Variants in TCEA2 observed in about 807,000 individuals in gnomAD.
The protein encoded by TCEA2 is transcription elongation factor A2.
In TCEA2, 21 loss-of-function variants were observed where a neutral mutation model predicts 40.8. That is an observed-to-expected ratio of 0.51 (90% CI 0.36 to 0.74). The LOEUF (loss-of-function observed/expected upper bound fraction) is 0.74, where lower values mean the gene tolerates loss of function less well. TCEA2 is among the 30% of genes least tolerant of loss of function. TCEA2 has a pLI of 0.00. For synonymous variants in TCEA2, 165 were observed against 162.7 expected, an observed-to-expected ratio of 1.01 and a Z score of -0.11; for missense variants, 326 against 426.5, an observed-to-expected ratio of 0.76 and a Z score of 2.08.
upstream of TCEA2, chr20:64,056,845 T>C (rs2059478666): frequency 6.6e-6 from 1 of 152,198 alleles, no homozygotes; most frequent in Non-Finnish European, 1.5e-5. Flanking sequence ...CAGACGCCTG[T>C]TGGGGCCAGG....
At chr20:64,056,420 G>A (rs1184501922), upstream of TCEA2, among the ~76,000 whole-genome samples, 1 of 152,186 alleles carries the variant, frequency 6.6e-6, no homozygotes. Flanking sequence ...GGTCCACTGG[G>A]GTCACAGCTC....
At position 64,063,293 on chromosome 20, in the gene TCEA2, G is replaced by A; in HGVS notation, c.-20G>A. The A allele has an allele frequency of 1.3e-6, 2 of 1,518,398 alleles. No individual in the cohort carries two copies. The highest frequency in any genetic ancestry group is 1.8e-6 in the Non-Finnish European group (2 of 1,135,272). 94.1% of individuals were successfully genotyped at this position (1,518,398 alleles called of 1,614,324 possible). On this transcript the variant is annotated 5_prime_UTR_variant, in exon 1 of 10. Transcript: ENST00000343484. ...GCGGAGGCGGGCGCGACGGGCGCGG[G>A]GGTCGCTGCTCCTGAGGCGATGATG...
At chr20:64,066,204 T>G (rs552473928) in intron 1 of TCEA2, 3 of 378,760 alleles carry the variant, frequency 7.9e-6, no homozygotes, top group Non-Finnish European at 1.5e-5. Flanking sequence ...GTCAGTGAGG[T>G]CATTGCCACG....
At chr20:64,056,338 A>T (rs1274454613), upstream of TCEA2, among the ~76,000 whole-genome samples, 1 of 152,154 alleles carries the variant, frequency 6.6e-6, no homozygotes, top group Non-Finnish European at 1.5e-5. Flanking sequence ...CGCATGGGAC[A>T]GGGGAGCACT....
chr20:64,068,686 G>A (rs912103258), intron 4 of TCEA2, among the ~76,000 whole-genome samples: 15 of 152,266 alleles, frequency 9.9e-5, no homozygotes, highest in Non-Finnish European at 2.1e-4. Context: ...GGGTTGTGGT[G>A]ACTGGGCCAC....
upstream of TCEA2, chr20:64,063,045 C>T (rs994472527): frequency 4.5e-5 from 11 of 242,982 alleles, no homozygotes; most frequent in Non-Finnish European, 7.7e-5. Context: ...CAGGACTACA[C>T]TTCCCAGGAG....
exon 1 of TCEA2, chr20:64,057,587 C>T (rs1007533354): frequency 2.0e-5 from 3 of 152,354 alleles, no homozygotes; most frequent in African/African-American, 7.2e-5. Context: ...ATTCTGAGGG[C>T]CCGGGAGCGT....
At chr20:64,072,074 T>G (rs2059852063) in intron 9 of TCEA2, 98 bp from the exon 10 acceptor site, 1 of 1,596,558 alleles carries the variant, frequency 6.3e-7, no homozygotes, top group African/African-American at 1.3e-5. Flanking sequence ...TTGGGCATGG[T>G]GGGTGGAGAG....
chr20:64,065,267 T>C (rs1318209685), intron 1 of TCEA2, among the ~76,000 whole-genome samples: 1 of 151,662 alleles, frequency 6.6e-6, no homozygotes. Flanking sequence ...AGGCAGGGCC[T>C]GCCTGGGAGG....
upstream of TCEA2, chr20:64,063,035 C>T (rs1017039400): frequency 8.6e-6 from 2 of 233,134 alleles, no homozygotes; most frequent in African/African-American, 2.3e-5. Context: ...GACGGTGGGT[C>T]AGGACTACAC....
At chr20:64,066,650 G>A in intron 2 of TCEA2, 112 bp downstream of exon 2, 1 of 1,238,666 alleles carries the variant, frequency 8.1e-7, no homozygotes, top group African/African-American at 1.5e-5. Flanking sequence ...GGCCTTAGTT[G>A]GCACAAATGC....
intron 1 of TCEA2, 30 bp from the exon 2 acceptor site, chr20:64,066,446 C>T: frequency 3.7e-6 from 6 of 1,611,964 alleles, no homozygotes; most frequent in Non-Finnish European, 5.1e-6. Flanking sequence ...GATCTAAAGT[C>T]CTTTATGAAG....
intron 3 of TCEA2, 29 bp from the exon 4 acceptor site, chr20:64,068,017 TG>T (rs2059736715): frequency 6.4e-7 from 1 of 1,568,766 alleles, no homozygotes; most frequent in Non-Finnish European, 8.7e-7. Flanking sequence ...TGCCTCCCCT[TG>T]ATCAGCCCAT....
intron 1 of TCEA2, among the ~76,000 whole-genome samples, chr20:64,065,254 A>G (rs1034910373): frequency 6.6e-6 from 1 of 152,112 alleles, no homozygotes; most frequent in African/African-American, 2.4e-5. Flanking sequence ...TGTACAGCCC[A>G]AGAGGCAGGG....
chr20:64,060,802 T>C (rs908596087), upstream of TCEA2, among the ~76,000 whole-genome samples: 1 of 152,182 alleles, frequency 6.6e-6, no homozygotes, highest in Non-Finnish European at 1.5e-5. Flanking sequence ...ATTGAGCTTT[T>C]TTTTTTTGCG....
chr20:64,060,440 G>C (rs2059539860), upstream of TCEA2, among the ~76,000 whole-genome samples: 1 of 152,242 alleles, frequency 6.6e-6, no homozygotes, highest in African/African-American at 2.4e-5. Flanking sequence ...TGGGGTTCCT[G>C]CACAAGGGCA....
Position 64,069,965 on chromosome 20 carries a change from A to G in TCEA2, c.517+144A>G, listed in dbSNP as rs1365045990. 4 of 1,082,166 alleles carry G rather than the reference A, an allele frequency of 3.7e-6. No individual in the cohort carries two copies. The African/African-American group carries it at 6.2e-5, about 17-fold the overall frequency. The allele number at this position is 1,082,166 out of a possible 1,614,324, so 67.0% of individuals were successfully genotyped here. A position where few individuals can be genotyped will look rare whatever the true frequency, so the allele number is the denominator to read the frequency against. ...TGGGTGGTCACCTGCCTGGGTGGTC[A>G]GGCTGTCTCACCTCAGGAGGGCCCC... On this transcript the variant is annotated intron_variant, in intron 6 of 9. Transcript: ENST00000343484.
intron 1 of TCEA2, 81 bp from the exon 2 acceptor site, chr20:64,066,395 T>C (rs1221769789): frequency 1.3e-6 from 2 of 1,515,850 alleles, no homozygotes; most frequent in Non-Finnish European, 1.8e-6. Context: ...CTGCCTTGTG[T>C]TCTCCTCCAG....
chr20:64,063,591 C>A, intron 1 of TCEA2: 1 of 609,272 alleles, frequency 1.6e-6, no homozygotes, highest in Non-Finnish European at 2.8e-6. Flanking sequence ...CCCGCAACCC[C>A]GGCAGAGGCC....
Sources: gnomAD v4.1 joint callset for allele counts (sites outside exome capture counted in the v4.1 genomes callset) on GRCh38, gnomAD v4.1.1 for gene constraint, MANE v1.5 for transcripts, NCBI Gene and HGNC (gene_info 2026-07-23, HGNC 2026-07-21) for gene names.